LDLRAD4: variants seen among roughly 807,000 people sequenced by gnomAD.
LDLRAD4 encodes the protein low-density lipoprotein receptor class A domain-containing protein 4.
LDLRAD4 carries 5 observed loss-of-function variants against 17.0 expected under a neutral mutation model. That is an observed-to-expected ratio of 0.29 (90% CI 0.15 to 0.62). The LOEUF (loss-of-function observed/expected upper bound fraction) is 0.62. Ranked by LOEUF, LDLRAD4 falls within the 20% of genes least tolerant of loss-of-function variation. LDLRAD4 has a pLI of 0.84. For synonymous variants in LDLRAD4, 168 were observed against 171.8 expected, an observed-to-expected ratio of 0.98 and a Z score of 0.17; for missense variants, 340 against 424.7, an observed-to-expected ratio of 0.80 and a Z score of 1.75.
At chr18:13,609,490 C>T (rs2039279798) in intron 3 of LDLRAD4, among the ~76,000 whole-genome samples, 1 of 151,860 alleles carries the variant, frequency 6.6e-6, no homozygotes, top group Admixed American at 6.6e-5. Context: ...CACCATGTCC[C>T]CAGACACCCA....
intron 2 of LDLRAD4, among the ~76,000 whole-genome samples, chr18:13,395,309 A>G (rs1353412374): frequency 6.6e-6 from 1 of 150,392 alleles, no homozygotes; most frequent in Non-Finnish European, 1.5e-5. Context: ...GAAAGGCCTC[A>G]TAAAAATCAG....
At chr18:13,227,009 C>T (rs994554102) in intron 1 of LDLRAD4, among the ~76,000 whole-genome samples, 1 of 152,126 alleles carries the variant, frequency 6.6e-6, no homozygotes, top group African/African-American at 2.4e-5. Flanking sequence ...CAAATGATCC[C>T]TATTGGACCT....
intron 1 of LDLRAD4, among the ~76,000 whole-genome samples, chr18:13,375,183 G>A (rs1470392867): frequency 6.6e-6 from 1 of 152,186 alleles, no homozygotes; most frequent in African/African-American, 2.4e-5. Flanking sequence ...TAGGCCAGGG[G>A]TCCGTGCAGC....
At chr18:13,291,142 T>C (rs568658274) in intron 1 of LDLRAD4, among the ~76,000 whole-genome samples, 100 of 152,340 alleles carry the variant, frequency 6.6e-4, no homozygotes, top group African/African-American at 2.3e-3. Context: ...GGAGCGTGTC[T>C]GAAGAGTGGC....
At chr18:13,262,382 A>G (rs1215437677) in intron 1 of LDLRAD4, among the ~76,000 whole-genome samples, 10 of 100,246 alleles carry the variant, frequency 1.0e-4, no homozygotes, top group South Asian at 7.0e-4. Flanking sequence ...GTGCGTGGAA[A>G]CTGAGTCCCG....
intron 1 of LDLRAD4, among the ~76,000 whole-genome samples, chr18:13,290,579 C>T (rs747988571): frequency 6.6e-6 from 1 of 151,228 alleles, no homozygotes; most frequent in African/African-American, 2.4e-5. Context: ...AAAAGATCTG[C>T]GTTTGTTTTA....
At chr18:13,650,160 C>G (rs2043184796) in exon 6 of LDLRAD4, 3 of 398,834 alleles carry the variant, frequency 7.5e-6, no homozygotes, top group Non-Finnish European at 8.8e-6. Flanking sequence ...TTTTTAGGAA[C>G]CAATATTTCA....
chr18:13,611,885 T>A, intron 3 of LDLRAD4: 1 of 985,284 alleles, frequency 1.0e-6, no homozygotes, highest in African/African-American at 1.7e-5. Context: ...TGGGAGCTGC[T>A]CCCATCAGTT....
chr18:13,290,123 T>C (rs1410659111), intron 1 of LDLRAD4, among the ~76,000 whole-genome samples: 1 of 152,224 alleles, frequency 6.6e-6, no homozygotes, highest in Non-Finnish European at 1.5e-5. Flanking sequence ...GGGTAGTTGG[T>C]GCCTCCCCTT....
chr18:13,583,986 G>C (rs1346027724), intron 3 of LDLRAD4, among the ~76,000 whole-genome samples: 1 of 152,036 alleles, frequency 6.6e-6, no homozygotes, highest in Non-Finnish European at 1.5e-5. Flanking sequence ...CCTCAGCCTG[G>C]CTTCCCTTGA....
intron 3 of LDLRAD4, among the ~76,000 whole-genome samples, chr18:13,447,428 A>C (rs2091489116): frequency 6.6e-6 from 1 of 152,050 alleles, no homozygotes; most frequent in African/African-American, 2.4e-5. Context: ...GTAGGGTCTT[A>C]AATGGTAATT....
intron 1 of LDLRAD4, among the ~76,000 whole-genome samples, chr18:13,285,798 C>T (rs1266195603): frequency 6.6e-6 from 1 of 152,134 alleles, no homozygotes; most frequent in Non-Finnish European, 1.5e-5. Context: ...CAAGCCAGTC[C>T]TTCAACTCAG....
intron 3 of LDLRAD4, among the ~76,000 whole-genome samples, chr18:13,534,530 G>A (rs934831884): frequency 5.3e-5 from 8 of 151,680 alleles, no homozygotes; most frequent in African/African-American, 1.9e-4. Flanking sequence ...AATCTTTCTT[G>A]AAGAGACCCT....
chr18:13,229,076 C>T (rs922387980), intron 1 of LDLRAD4, among the ~76,000 whole-genome samples: 1 of 152,220 alleles, frequency 6.6e-6, no homozygotes, highest in African/African-American at 2.4e-5. Flanking sequence ...TCTGTTCTGC[C>T]ATCTGCATGG....
chr18:13,284,969 G>A (rs757520457), intron 1 of LDLRAD4, among the ~76,000 whole-genome samples: 4 of 152,216 alleles, frequency 2.6e-5, no homozygotes, highest in South Asian at 2.1e-4. Context: ...CATGTCGGAC[G>A]GGCTGTGCCT....
intron 1 of LDLRAD4, among the ~76,000 whole-genome samples, chr18:13,251,068 C>G (rs55809306): frequency 0.39 from 59,975 of 152,070 alleles, 13,244 homozygotes; most frequent in East Asian, 0.53. Context: ...AAAGATGGTT[C>G]AGTATACATA....
chr18:13,252,193 CG>C (rs1567934765), intron 1 of LDLRAD4, among the ~76,000 whole-genome samples: 2 of 152,124 alleles, frequency 1.3e-5, no homozygotes, highest in Non-Finnish European at 1.5e-5. Flanking sequence ...GGTGCAATCT[CG>C]GCTCACTGCA....
chr18:13,631,966 A>C (rs1187136385), intron 4 of LDLRAD4, among the ~76,000 whole-genome samples: 1 of 152,100 alleles, frequency 6.6e-6, no homozygotes, highest in Non-Finnish European at 1.5e-5. Context: ...AAATTTAAAA[A>C]AGTAAAAGGA....
rs1349397159 is a variant in LDLRAD4, at chr18:13,300,849, G to T, written c.-383+22661G>T. 6.6e-6 allele frequency among the ~76,000 whole-genome samples: 1 copy of T among 152,232 alleles called. No individual in the cohort carries two copies. Among genetic ancestry groups the T allele is most frequent in the Non-Finnish European group, 1.5e-5 (1 of 68,032 alleles). ...CACCTCTCATGATCAGAGATGGGGT[G>T]TGGGAAGGAAGGAAGGGTGGTGAAC... On this transcript the variant is annotated intron_variant, in intron 1 of 5. Transcript: ENST00000359446. The surrounding 1 kb of genome is among the most constrained non-coding windows in gnomAD (Gnocchi z 4.2).
Sources: allele counts gnomAD v4.1 joint callset (sites outside exome capture counted in the v4.1 genomes callset), GRCh38; gene constraint gnomAD v4.1.1; non-coding constraint Gnocchi (gnomAD v3.1); transcripts MANE v1.5; gene names NCBI Gene and HGNC (gene_info 2026-07-23, HGNC 2026-07-21).